ZNF236: variants seen among roughly 807,000 people sequenced by gnomAD.
The protein encoded by ZNF236 is regulated by glucose.
Under a neutral mutation model 191.2 loss-of-function variants are expected in ZNF236, and 50 were observed. That is an observed-to-expected ratio of 0.26 (90% CI 0.21 to 0.33). ZNF236 has a LOEUF of 0.33. ZNF236 is among the 10% of genes least tolerant of loss of function. The pLI is 1.00. For synonymous variants in ZNF236, 907 were observed against 928.8 expected (o/e 0.98, Z 0.43); for missense variants, 1,754 against 2,374.5 (o/e 0.74, Z 5.43).
chr18:76,845,130 A>G (rs1975638304), intron 1 of ZNF236, among the ~76,000 whole-genome samples: 1 of 152,222 alleles, frequency 6.6e-6, no homozygotes, highest in Admixed American at 6.5e-5. Context: ...TTTTGAAACT[A>G]GTCTCTACTT....
chr18:76,836,313 C>T (rs565390657), intron 1 of ZNF236, among the ~76,000 whole-genome samples: 24 of 149,712 alleles, frequency 1.6e-4, no homozygotes, highest in African/African-American at 5.4e-4. Context: ...CCCAAACCCC[C>T]GGGCGCAAGT....
At chr18:76,902,012 G>A (rs1050510576) in intron 11 of ZNF236, among the ~76,000 whole-genome samples, 1 of 152,176 alleles carries the variant, frequency 6.6e-6, no homozygotes, top group Non-Finnish European at 1.5e-5. Flanking sequence ...TGAATCTTCA[G>A]TTGAGTTAGG....
At chr18:76,877,336 C>T (rs927976833) in intron 6 of ZNF236, among the ~76,000 whole-genome samples, 2 of 151,940 alleles carry the variant, frequency 1.3e-5, no homozygotes, top group Admixed American at 1.3e-4. Flanking sequence ...TGGCAAAACC[C>T]CATCTCTACT....
intron 1 of ZNF236, chr18:76,834,494 A>AT: frequency 2.3e-6 from 1 of 434,028 alleles, no homozygotes. Context: ...ACTTGGCGAG[A>AT]TTTGGCTTTC....
intron 26 of ZNF236, among the ~76,000 whole-genome samples, chr18:76,942,099 G>A (rs1362027956): frequency 6.6e-6 from 1 of 152,210 alleles, no homozygotes; most frequent in East Asian, 1.9e-4. Flanking sequence ...ATTAACCGGT[G>A]TCTAATGATG....
At position 76,830,158 on chromosome 18, in the gene ZNF236, G is replaced by A. The variant is rs1166728915; in HGVS notation, c.55+7496G>A. ...TGCTGGGATTACAGGTGTGAGCCAC[G>A]GTGCCTGGCCAGCTTTACCTGTTTT... On this transcript the variant is annotated intron_variant, in intron 1 of 30. Transcript: ENST00000320610. Among the ~76,000 whole-genome samples, 3 of 152,068 alleles carry A rather than the reference G, an allele frequency of 2.0e-5. No homozygotes were observed. The East Asian group carries it at 5.8e-4, about 29-fold the overall frequency.
At chr18:76,932,193 T>C (rs562452808) in intron 25 of ZNF236, among the ~76,000 whole-genome samples, 4 of 152,306 alleles carry the variant, frequency 2.6e-5, no homozygotes, top group African/African-American at 4.8e-5. Context: ...AGAGCACATG[T>C]CACAGGGGGT....
chr18:76,913,817 G>A lies in ZNF236; in HGVS notation c.2980G>A (p.Glu994Lys), dbSNP rs1046216192. 2 of 1,614,112 alleles carry A rather than the reference G, an allele frequency of 1.2e-6. No homozygotes were observed. Among genetic ancestry groups the A allele is most frequent in the Non-Finnish European group, 1.7e-6 (2 of 1,180,050 alleles). ...LKQHVRSHTG[E>K]KPYKCKLCGR... is the part of the protein sequence containing the mutation. ...GCAGCATGTGCGGTCGCACACCGGG[G>A]AAAAGCCCTACAAGTGCAAGCTCTG... is the stretch of plus-strand genomic sequence containing the variant. Residue 994 changes from glutamate (E) to lysine (K), a missense_variant, in exon 18 of 31, where the codon GAA becomes AAA. Glu to Lys is a moderately conservative substitution (Grantham distance 56). This residue lies in a region of ZNF236 where 641 missense variants were observed against 869.6 expected (regional missense o/e 0.74). Transcript: ENST00000320610.
Position 76,947,674 on chromosome 18 carries a change from A to G in ZNF236, c.4914+22A>G, listed in dbSNP as rs780800956. On this transcript the variant is annotated intron_variant, in intron 27 of 30. Coordinates refer to ENST00000320610, the MANE Select transcript of ZNF236 (RefSeq NM_001306089.2). ...CCAGGTACAGGATATTCCTTCATTC[A>G]CAGAGCTTTTGTCGCTTTTAAAAAC... The G allele has an allele frequency of 6.2e-6, 10 of 1,610,554 alleles. No individual in the cohort carries two copies. The Admixed American group carries it at 1.7e-4, about 27-fold the overall frequency.
At chr18:76,937,502 G>A (rs1968034348) in intron 26 of ZNF236, among the ~76,000 whole-genome samples, 159 bp downstream of exon 26, 1 of 151,580 alleles carries the variant, frequency 6.6e-6, no homozygotes, top group South Asian at 2.1e-4. Flanking sequence ...ATATAAAAGG[G>A]GATAAAAATT....
At position 76,910,792 on chromosome 18, in the gene ZNF236, G is replaced by C. The variant is rs748020558; in HGVS notation, c.2786G>C (p.Ser929Thr). 1 of 1,614,136 alleles carries C rather than the reference G, an allele frequency of 6.2e-7. No homozygotes were observed. The highest frequency in any genetic ancestry group is 8.5e-7 in the Non-Finnish European group (1 of 1,180,012). ...CAGCAGAGCTTGCTGCAGGCTCCCA[G>C]CTCTGATGGGATGAATGTAGTGAGT... Reference protein sequence around the residue: ...FHQQSLLQAPSSDGMNVTTRL... With the variant: ...FHQQSLLQAPTSDGMNVTTRL... Residue 929 changes from serine to threonine, a missense_variant, in exon 16 of 31, where the codon AGC (serine) becomes ACC (threonine). Around this residue, in one of 5 missense-constraint regions of ZNF236, gnomAD observed 641 missense variants for 869.6 expected, o/e 0.74. Transcript: ENST00000320610.
chr18:76,895,967 C>T (rs1382891571), intron 10 of ZNF236, among the ~76,000 whole-genome samples: 1 of 152,012 alleles, frequency 6.6e-6, no homozygotes, highest in Non-Finnish European at 1.5e-5. Flanking sequence ...CAAGTATGGC[C>T]CGCAGTGCTG....
chr18:76,949,719 T>C (rs1467441076), intron 27 of ZNF236, among the ~76,000 whole-genome samples: 6 of 150,284 alleles, frequency 4.0e-5, no homozygotes, highest in African/African-American at 1.5e-4. Context: ...AGTGCAGTGG[T>C]GCAATCTCAG....
Position 76,849,688 on chromosome 18 carries a change from A to C in ZNF236, c.198+20A>C, listed in dbSNP as rs1467054999. On this transcript the variant is annotated intron_variant, in intron 2 of 30. Transcript: ENST00000320610. ...GACAAGGTATGTATTTTCAAAGGTGATGTCAGGAATGTGAGCGTTGAAACT... is the reference window on the plus strand; with the variant it reads ...GACAAGGTATGTATTTTCAAAGGTGCTGTCAGGAATGTGAGCGTTGAAACT... The C allele has an allele frequency of 6.7e-7, 1 of 1,503,548 alleles. No individual in the cohort carries two copies. Among genetic ancestry groups the C allele is most frequent in the African/African-American group, 1.4e-5 (1 of 70,104 alleles). 93.1% of individuals were successfully genotyped at this position (1,503,548 alleles called of 1,614,324 possible). A position where few individuals can be genotyped will look rare whatever the true frequency, so the allele number is the denominator to read the frequency against.
In ZNF236 at chr18:76,970,524, T is replaced by C. The variant is rs1013948550; in HGVS notation, c.*2185T>C. ...AACATTCCTTGAAAATATAAGGTTT[T>C]GAAAAGACATAATTTTACTTGAATC... On this transcript the variant is annotated 3_prime_UTR_variant, in exon 31 of 31. Coordinates refer to ENST00000320610, the MANE Select transcript of ZNF236 (RefSeq NM_001306089.2). 8.5e-5 allele frequency: 13 copies of C among 152,674 alleles called. No individual in the cohort carries two copies. Among genetic ancestry groups the C allele is most frequent in the African/African-American group, 3.1e-4 (13 of 41,462 alleles). The allele number at this position is 152,674 out of a possible 1,614,324, so 9.5% of individuals were successfully genotyped here.
At chr18:76,924,302 G>A (rs1967617764) in intron 21 of ZNF236, among the ~76,000 whole-genome samples, 2 of 152,348 alleles carry the variant, frequency 1.3e-5, no homozygotes, top group Middle Eastern at 3.4e-3. Flanking sequence ...ATGACTTGGT[G>A]CACGCTGCTT....
chr18:76,962,095 T>A (rs1968680004), intron 30 of ZNF236, among the ~76,000 whole-genome samples: 1 of 151,860 alleles, frequency 6.6e-6, no homozygotes, highest in Admixed American at 6.6e-5. Flanking sequence ...TATTTATCTT[T>A]GTTTTTATTG....
At chr18:76,957,131 G>A (rs564607705) in intron 28 of ZNF236, among the ~76,000 whole-genome samples, 1 of 151,736 alleles carries the variant, frequency 6.6e-6, no homozygotes. Flanking sequence ...CTGGACCCTT[G>A]GGGTTCCTGT....
At chr18:76,829,149 A>G (rs547772004) in intron 1 of ZNF236, among the ~76,000 whole-genome samples, 1 of 152,186 alleles carries the variant, frequency 6.6e-6, no homozygotes, top group South Asian at 2.1e-4. Context: ...TGCTTTTTAT[A>G]TTTCAAGCCT....
Sources: allele counts gnomAD v4.1 joint callset (sites outside exome capture counted in the v4.1 genomes callset), GRCh38; gene constraint gnomAD v4.1.1; regional missense constraint gnomAD v4.1.1; transcripts MANE v1.5; gene names NCBI Gene and HGNC (gene_info 2026-07-23, HGNC 2026-07-21).